The following VTI1A variants were observed in gnomAD, a reference collection of about 807,000 sequenced individuals.
The protein encoded by VTI1A is vesicle transport through interaction with t-SNAREs 1A, also known as vesicle transport through interaction with t-SNAREs homolog 1A.
Under a neutral mutation model 34.9 loss-of-function variants are expected in VTI1A, and 22 were observed. The ratio of observed to expected loss-of-function variants is 0.63; its 90% confidence interval spans 0.45 to 0.90. The LOEUF (loss-of-function observed/expected upper bound fraction) is 0.90, where lower values mean the gene tolerates loss of function less well. Ranked by LOEUF, VTI1A falls within the 40% of genes least tolerant of loss-of-function variation. VTI1A has a pLI of 0.00. For synonymous variants in VTI1A, 87 were observed against 97.3 expected (o/e 0.89, Z 0.62); for missense variants, 268 against 275.6 (o/e 0.97, Z 0.20).
intron 5 of VTI1A, among the ~76,000 whole-genome samples, chr10:112,555,320 A>T (rs1851506851): frequency 1.3e-5 from 2 of 152,112 alleles, no homozygotes; most frequent in Non-Finnish European, 2.9e-5. Context: ...TGAAGAAGCC[A>T]AATGCTGGTA....
the VTI1A span, among the ~76,000 whole-genome samples, chr10:112,850,478 C>T: frequency 6.6e-6 from 1 of 152,048 alleles, no homozygotes; most frequent in Non-Finnish European, 1.5e-5. Flanking sequence ...ACCTGACACC[C>T]CATTCACTAA....
At chr10:112,599,215 TG>T (rs1844790264) in intron 5 of VTI1A, among the ~76,000 whole-genome samples, 1 of 152,034 alleles carries the variant, frequency 6.6e-6, no homozygotes, top group African/African-American at 2.4e-5. Context: ...AGAGTAGGAT[TG>T]GGGGATCTGC....
chr10:112,687,219 CTTTTTTTTTTTTT>C (rs71303594), intron 7 of VTI1A, among the ~76,000 whole-genome samples: 5 of 84,566 alleles, frequency 5.9e-5, no homozygotes, highest in Non-Finnish European at 8.7e-5. Flanking sequence ...CATACTACAA[CTTTTTTTTTTTTT>C]TTTTTTTTTT....
At chr10:112,656,508 C>G (rs1468900090) in intron 5 of VTI1A, among the ~76,000 whole-genome samples, 1 of 148,860 alleles carries the variant, frequency 6.7e-6, no homozygotes, top group Non-Finnish European at 1.5e-5. Flanking sequence ...CAGGAGCATA[C>G]CACACCCAGA....
chr10:112,795,671 A>T (rs1852649917), intron 7 of VTI1A, among the ~76,000 whole-genome samples: 1 of 152,084 alleles, frequency 6.6e-6, no homozygotes, highest in Non-Finnish European at 1.5e-5. Flanking sequence ...TCCTGACCTC[A>T]GGTGATCCGC....
chr10:112,736,904 G>T lies in VTI1A; in HGVS notation c.560+67906G>T, dbSNP rs537688078. 9 of 695,344 alleles carry T rather than the reference G, an allele frequency of 1.3e-5. No individual in the cohort carries two copies. The African/African-American group carries it at 1.4e-4, about 11-fold the overall frequency. The allele number at this position is 695,344 out of a possible 1,614,324, so 43.1% of individuals were successfully genotyped here. A position where few individuals can be genotyped will look rare whatever the true frequency, so the allele number is the denominator to read the frequency against. ...TGCTGGTGGAAGTATTTATAGATGC[G>T]CAGTGCATGAGTACTTGGCAAGGAT... On this transcript the variant is annotated intron_variant, in intron 7 of 7. Transcript: ENST00000393077.
rs1401013579 is a variant in VTI1A at position 112,731,633 on chromosome 10, AT to A, written c.560+62637del. On this transcript the variant is annotated intron_variant, in intron 7 of 7. Transcript: ENST00000393077. ...ACATGAGAAGGCATATTTTAGGAAG[AT>A]TACTCAGTTAAGTATATGACATCAC... 7.2e-5 allele frequency among the ~76,000 whole-genome samples: 11 copies of A among 152,038 alleles called. 1 individual carries two copies. Among genetic ancestry groups the A allele is most frequent in the African/African-American group, 2.7e-4 (11 of 41,384 alleles).
intron 3 of VTI1A, among the ~76,000 whole-genome samples, chr10:112,493,373 G>C (rs1848905366): frequency 6.6e-6 from 1 of 151,680 alleles, no homozygotes; most frequent in Non-Finnish European, 1.5e-5. Flanking sequence ...GATTCTTCTG[G>C]ATTTTCTACA....
chr10:112,533,291 A>G (rs985534090), intron 4 of VTI1A, among the ~76,000 whole-genome samples: 2 of 152,044 alleles, frequency 1.3e-5, no homozygotes, highest in Non-Finnish European at 2.9e-5. Flanking sequence ...TTAAAAGAGA[A>G]TTTCACACTA....
intron 3 of VTI1A, among the ~76,000 whole-genome samples, chr10:112,511,478 A>G (rs961319533): frequency 2.0e-5 from 3 of 151,954 alleles, no homozygotes; most frequent in Admixed American, 6.6e-5. Context: ...CTCCAACCTC[A>G]TGATCTGCCC....
At chr10:112,620,427 A>G (rs553860020) in intron 5 of VTI1A, among the ~76,000 whole-genome samples, 19 of 152,306 alleles carry the variant, frequency 1.2e-4, no homozygotes, top group Non-Finnish European at 1.8e-4. Flanking sequence ...ATAGGCCTAT[A>G]AGAGAGGAAG....
chr10:112,811,658 T>A (rs2134089527), intron 7 of VTI1A, among the ~76,000 whole-genome samples: 1 of 116,612 alleles, frequency 8.6e-6, no homozygotes, highest in East Asian at 2.8e-4. Context: ...CACTCCAGCC[T>A]GGGCGACAGA....
At chr10:112,584,935 T>A (rs1844087551) in intron 5 of VTI1A, among the ~76,000 whole-genome samples, 1 of 152,212 alleles carries the variant, frequency 6.6e-6, no homozygotes, top group Non-Finnish European at 1.5e-5. Context: ...GTATTTAGAA[T>A]GTTATTTGAC....
At chr10:112,722,876 A>G (rs371177253) in intron 7 of VTI1A, among the ~76,000 whole-genome samples, 1 of 152,274 alleles carries the variant, frequency 6.6e-6, no homozygotes, top group Non-Finnish European at 1.5e-5. Flanking sequence ...CAAAATCTGG[A>G]CGTTTGCTTT....
chr10:112,590,191 T>C (rs1420436162), intron 5 of VTI1A, among the ~76,000 whole-genome samples: 1 of 152,090 alleles, frequency 6.6e-6, no homozygotes, highest in Admixed American at 6.5e-5. Flanking sequence ...TACTCAAAAG[T>C]TTAGTTGATA....
At chr10:112,792,126 T>A (rs931119718) in intron 7 of VTI1A, among the ~76,000 whole-genome samples, 3 of 151,892 alleles carry the variant, frequency 2.0e-5, no homozygotes, top group African/African-American at 7.3e-5. Context: ...GTAGAAAAAA[T>A]TAGCTGGATG....
chr10:112,500,014 G>A (rs887582113), intron 3 of VTI1A, among the ~76,000 whole-genome samples: 10 of 152,168 alleles, frequency 6.6e-5, no homozygotes, highest in African/African-American at 2.4e-4. Flanking sequence ...ACGTAAAGCT[G>A]ACTATATCAA....
At chr10:112,662,171 TGATCTGTG>T (rs1234569206) in intron 5 of VTI1A, among the ~76,000 whole-genome samples, 3 of 152,250 alleles carry the variant, frequency 2.0e-5, no homozygotes, top group Non-Finnish European at 4.4e-5. Context: ...TAAACTTCTT[TGATCTGTG>T]GATCGGCTTT....
intron 5 of VTI1A, among the ~76,000 whole-genome samples, chr10:112,657,821 T>TGTG (rs35203233): frequency 0.012 from 1,672 of 136,338 alleles, 12 homozygotes; most frequent in Middle Eastern, 0.017. Flanking sequence ...GTGTGTGTGT[T>TGTG]TGTGTGTGTA....
Sources: gnomAD v4.1 joint callset for allele counts (sites outside exome capture counted in the v4.1 genomes callset) on GRCh38, gnomAD v4.1.1 for gene constraint, MANE v1.5 for transcripts, NCBI Gene and HGNC (gene_info 2026-07-23, HGNC 2026-07-21) for gene names.